Variants in FMNL2 observed in about 807,000 individuals in gnomAD.
FMNL2 encodes formin like 2, also known as formin-like protein 2.
FMNL2 carries 51 observed loss-of-function variants against 130.2 expected under a neutral mutation model. That is an observed-to-expected ratio of 0.39 (90% CI 0.31 to 0.49). FMNL2 has a LOEUF of 0.49. FMNL2 is among the 20% of genes least tolerant of loss of function. The pLI is 0.85. For synonymous variants in FMNL2, 465 were observed against 467.1 expected (o/e 1.00, Z 0.06); for missense variants, 977 against 1,316.2 (o/e 0.74, Z 3.99).
chr2:152,621,952 C>G (rs917545340), intron 15 of FMNL2, among the ~76,000 whole-genome samples: 1 of 152,134 alleles, frequency 6.6e-6, no homozygotes, highest in Non-Finnish European at 1.5e-5. Context: ...CTTCAATGGG[C>G]AGGTGTGTTC....
At chr2:152,601,303 CT>C (rs10567754) in intron 9 of FMNL2, among the ~76,000 whole-genome samples, 1,389 of 134,718 alleles carry the variant, frequency 0.01, 23 homozygotes, top group African/African-American at 0.034. Context: ...TTTCTTTTTT[CT>C]TTTTTTTTTT....
chr2:152,373,303 G>C (rs1381128486), intron 1 of FMNL2, among the ~76,000 whole-genome samples: 2 of 152,178 alleles, frequency 1.3e-5, no homozygotes, highest in Non-Finnish European at 2.9e-5. Flanking sequence ...GGTGGTCCCT[G>C]ATGATTGGTT....
intron 1 of FMNL2, among the ~76,000 whole-genome samples, chr2:152,341,718 G>C (rs978094473): frequency 2.0e-5 from 3 of 152,206 alleles, no homozygotes; most frequent in Non-Finnish European, 2.9e-5. Flanking sequence ...TTCATTAGTT[G>C]ACATTGGCTT....
intron 2 of FMNL2, among the ~76,000 whole-genome samples, chr2:152,527,883 A>ATT (rs1470737173): frequency 6.6e-6 from 1 of 152,052 alleles, no homozygotes; most frequent in Non-Finnish European, 1.5e-5. Flanking sequence ...AGGATAAATC[A>ATT]TTTCTCCAAT....
chr2:152,380,024 T>C (rs993171766), intron 1 of FMNL2, among the ~76,000 whole-genome samples: 2 of 152,224 alleles, frequency 1.3e-5, no homozygotes, highest in African/African-American at 2.4e-5. Context: ...GAATAGTGAA[T>C]AGTTTCTGGG....
At chr2:152,633,497 CAAAT>C (rs900979286) in intron 21 of FMNL2, among the ~76,000 whole-genome samples, 2 of 152,140 alleles carry the variant, frequency 1.3e-5, no homozygotes, top group African/African-American at 4.8e-5. Context: ...AACAAGTGAA[CAAAT>C]GAATGAATGA....
intron 6 of FMNL2, among the ~76,000 whole-genome samples, chr2:152,566,439 G>A (rs1695842015): frequency 6.6e-6 from 1 of 152,154 alleles, no homozygotes; most frequent in Admixed American, 6.5e-5. Context: ...GGAAACTGGG[G>A]CCTGAAGTAG....
At chr2:152,372,006 T>A (rs1420973531) in intron 1 of FMNL2, among the ~76,000 whole-genome samples, 1 of 152,168 alleles carries the variant, frequency 6.6e-6, no homozygotes, top group Admixed American at 6.5e-5. Context: ...TTACCCAGTT[T>A]CAGATATCTT....
intron 2 of FMNL2, among the ~76,000 whole-genome samples, chr2:152,529,197 A>T (rs1287998474): frequency 6.6e-6 from 1 of 152,188 alleles, no homozygotes; most frequent in Non-Finnish European, 1.5e-5. Flanking sequence ...ATTTAGTTTT[A>T]TAGGTGAGGG....
At chr2:152,405,635 A>G (rs1022686987) in intron 1 of FMNL2, among the ~76,000 whole-genome samples, 11 of 152,192 alleles carry the variant, frequency 7.2e-5, no homozygotes, top group African/African-American at 2.7e-4. Context: ...GGTGTTGGAA[A>G]GGACCCTAGA....
chr2:152,555,746 C>T (rs1237689870), intron 4 of FMNL2, among the ~76,000 whole-genome samples: 1 of 152,218 alleles, frequency 6.6e-6, no homozygotes, highest in Non-Finnish European at 1.5e-5. Context: ...CCGTGAGGCA[C>T]TCAGGAAGTT....
At chr2:152,517,496 T>A (rs1051256949) in intron 1 of FMNL2, among the ~76,000 whole-genome samples, 1 of 152,108 alleles carries the variant, frequency 6.6e-6, no homozygotes, top group Non-Finnish European at 1.5e-5. Context: ...GTGTACTAGG[T>A]GTTATATTAG....
intron 1 of FMNL2, among the ~76,000 whole-genome samples, chr2:152,380,645 C>T (rs1684409574): frequency 6.6e-6 from 1 of 152,202 alleles, no homozygotes; most frequent in African/African-American, 2.4e-5. Flanking sequence ...ATGGATTACT[C>T]GCTGTACCTA....
At chr2:152,607,299 G>A (rs1698424769) in intron 9 of FMNL2, 40 bp from the exon 10 acceptor site, 1 of 1,560,938 alleles carries the variant, frequency 6.4e-7, no homozygotes, top group Non-Finnish European at 8.8e-7. Context: ...GAATGTTTAT[G>A]TTTAGAAAGT....
chr2:152,440,275 G>A (rs573821568), intron 1 of FMNL2, among the ~76,000 whole-genome samples: 7 of 152,232 alleles, frequency 4.6e-5, no homozygotes, highest in South Asian at 2.1e-4. Flanking sequence ...TTAATTTGGC[G>A]TTTCAGCAGC....
Position 152,595,839 on chromosome 2 carries a change from T to A in FMNL2, c.877-11500T>A, listed in dbSNP as rs182449519. 2.0e-5 allele frequency among the ~76,000 whole-genome samples: 3 copies of A among 147,558 alleles called. No homozygotes were observed. The East Asian group carries it at 5.8e-4, about 29-fold the overall frequency. On this transcript the variant is annotated intron_variant, in intron 9 of 25. Coordinates refer to ENST00000288670, the MANE Select transcript of FMNL2 (RefSeq NM_052905.4). ...ACATCTTCTAGCCTTATAATGAGTC[T>A]AATGTGACAGAGTGGGTACATCCCA...
chr2:152,621,316 G>T (rs1412966565), intron 15 of FMNL2, among the ~76,000 whole-genome samples: 1 of 152,236 alleles, frequency 6.6e-6, no homozygotes, highest in Admixed American at 6.5e-5. Context: ...AGCCGAGTGA[G>T]AGCCCAGAGG....
At chr2:152,614,678 G>T (rs1292834830) in intron 11 of FMNL2, among the ~76,000 whole-genome samples, 173 bp from the exon 12 acceptor site, 1 of 152,122 alleles carries the variant, frequency 6.6e-6, no homozygotes, top group East Asian at 1.9e-4. Flanking sequence ...AGGAGGTGAA[G>T]GTTGCAGTGA....
At chr2:152,571,552 A>G (rs1459233267) in intron 6 of FMNL2, among the ~76,000 whole-genome samples, 1 of 152,338 alleles carries the variant, frequency 6.6e-6, no homozygotes, top group East Asian at 1.9e-4. Flanking sequence ...GTAATTCTGT[A>G]ACAGAACACA....
Sources: gnomAD v4.1 joint callset for allele counts (sites outside exome capture counted in the v4.1 genomes callset) on GRCh38, gnomAD v4.1.1 for gene constraint, MANE v1.5 for transcripts, NCBI Gene and HGNC (gene_info 2026-07-23, HGNC 2026-07-21) for gene names.